TTLL5: variants seen among roughly 807,000 people sequenced by gnomAD.
The protein encoded by TTLL5 is tubulin tyrosine ligase like 5.
TTLL5 carries 132 observed loss-of-function variants against 168.4 expected under a neutral mutation model. That is an observed-to-expected ratio of 0.78 (90% CI 0.68 to 0.91). The LOEUF (loss-of-function observed/expected upper bound fraction) is 0.91, where lower values mean the gene tolerates loss of function less well. Among genes scored for constraint, TTLL5 ranks in the 40% least tolerant of loss-of-function variants. The pLI is 0.00. For synonymous variants in TTLL5, 546 were observed against 558.6 expected (o/e 0.98, Z 0.32); for missense variants, 1,545 against 1,581.5 (o/e 0.98, Z 0.39).
chr14:75,825,584 A>T (rs1474843099), intron 28 of TTLL5, among the ~76,000 whole-genome samples: 1 of 152,010 alleles, frequency 6.6e-6, no homozygotes, highest in Admixed American at 6.6e-5. Flanking sequence ...AGCAGTTTGG[A>T]GCTTATAATT....
intron 30 of TTLL5, among the ~76,000 whole-genome samples, chr14:75,895,416 T>C (rs1352946836): frequency 2.0e-5 from 3 of 152,170 alleles, no homozygotes; most frequent in Non-Finnish European, 2.9e-5. Context: ...ATTCAGCACA[T>C]ACTATGTCAC....
chr14:75,799,306 C>T (rs951362757), intron 27 of TTLL5, among the ~76,000 whole-genome samples: 1 of 152,072 alleles, frequency 6.6e-6, no homozygotes. Flanking sequence ...TGCTCACTTC[C>T]GTTATCCATT....
intron 5 of TTLL5, chr14:75,689,579 TAAAC>T (rs1184779355): frequency 6.6e-6 from 1 of 152,186 alleles, no homozygotes. Context: ...CTCCAAAAAT[TAAAC>T]AATCCAAATG....
chr14:75,937,180 G>A (rs1030412896), intron 31 of TTLL5, among the ~76,000 whole-genome samples: 1 of 150,920 alleles, frequency 6.6e-6, no homozygotes, highest in Non-Finnish European at 1.5e-5. Context: ...GCAGTGGCAC[G>A]ATCTCAGCTC....
Position 75,863,662 on chromosome 14 carries a change from T to C in TTLL5, c.3327-5T>C. On this transcript the variant is annotated splice_polypyrimidine_tract_variant and splice_region_variant and intron_variant, in intron 28 of 31. Transcript: ENST00000298832. ...TCTAAGAAACCTGCTTGCTTTTCTC[T>C]TCAGGAGCCTGCAGACAGGGGGATT... 6.2e-7 allele frequency: 1 copy of C among 1,604,360 alleles called. No individual in the cohort carries two copies. The highest frequency in any genetic ancestry group is 8.5e-7 in the Non-Finnish European group (1 of 1,175,332).
At chr14:75,816,840 A>G (rs375648654) in intron 27 of TTLL5, among the ~76,000 whole-genome samples, 53 of 152,252 alleles carry the variant, frequency 3.5e-4, no homozygotes, top group Non-Finnish European at 5.7e-4. Context: ...TCAGGAGTAC[A>G]GGGAGTCTGG....
At chr14:75,839,785 T>G (rs957198265) in intron 28 of TTLL5, among the ~76,000 whole-genome samples, 49 of 151,984 alleles carry the variant, frequency 3.2e-4, no homozygotes, top group African/African-American at 1.1e-3. Flanking sequence ...GTGATCTCAC[T>G]GTAGTTTTGA....
At chr14:75,700,993 T>C (rs1056689189) in intron 7 of TTLL5, among the ~76,000 whole-genome samples, 1 of 151,904 alleles carries the variant, frequency 6.6e-6, no homozygotes, top group Non-Finnish European at 1.5e-5. Flanking sequence ...TCTCCGCTTT[T>C]AGAACTCTTT....
intron 13 of TTLL5, among the ~76,000 whole-genome samples, chr14:75,733,026 G>T (rs1888642530): frequency 6.6e-6 from 1 of 152,214 alleles, no homozygotes; most frequent in Admixed American, 6.5e-5. Flanking sequence ...TCTCTAAACT[G>T]AGAACTCTAG....
chr14:75,826,869 A>G (rs1172738226), intron 28 of TTLL5, among the ~76,000 whole-genome samples: 2 of 152,162 alleles, frequency 1.3e-5, no homozygotes, highest in East Asian at 1.9e-4. Context: ...CTTACCTAGT[A>G]TTGACTCAAC....
intron 15 of TTLL5, among the ~76,000 whole-genome samples, chr14:75,742,094 C>G (rs1889310000): frequency 6.6e-6 from 1 of 152,176 alleles, no homozygotes; most frequent in South Asian, 2.1e-4. Flanking sequence ...ATTCCTTAAT[C>G]TGTTTAATAG....
At chr14:75,735,336 G>T in intron 15 of TTLL5, 47 bp downstream of exon 15, 2 of 1,586,082 alleles carry the variant, frequency 1.3e-6, no homozygotes, top group Non-Finnish European at 1.7e-6. Flanking sequence ...TTACTGGGAA[G>T]TGGCGGCTGA....
In TTLL5 at chr14:75,820,020, A is replaced by G; in HGVS notation, c.3185A>G (p.Asn1062Ser). ...CTTTATTTCTAGGTAACAAACCTGA[A>G]TTTGGCAACTGGCATCATAAACAGA... ...NLLTQQVTNL[N>S]LATGIINRSS... Residue 1062 changes from asparagine (N) to serine (S), a missense_variant, in exon 28 of 32, where the codon AAT (asparagine) becomes AGT (serine). Transcript: ENST00000298832. The G allele has an allele frequency of 6.2e-7, 1 of 1,601,088 alleles. No individual in the cohort carries two copies. The highest frequency in any genetic ancestry group is 8.5e-7 in the Non-Finnish European group (1 of 1,174,880).
intron 30 of TTLL5, chr14:75,886,623 T>A: frequency 6.6e-7 from 1 of 1,520,224 alleles, no homozygotes; most frequent in Non-Finnish European, 8.9e-7. Context: ...TTTAAAATTT[T>A]TTTTTTTACC....
chr14:75,721,577 T>A (rs1887839643), intron 12 of TTLL5, among the ~76,000 whole-genome samples: 1 of 152,164 alleles, frequency 6.6e-6, no homozygotes, highest in African/African-American at 2.4e-5. Flanking sequence ...CCTAACAGCC[T>A]TAGTTTGTAA....
chr14:75,863,804 T>C lies in TTLL5; in HGVS notation c.3464T>C (p.Leu1155Pro). 1 of 1,582,260 alleles carries C rather than the reference T, an allele frequency of 6.3e-7. No homozygotes were observed. The highest frequency in any genetic ancestry group is 1.7e-5 in the Admixed American group (1 of 57,676). ...SYQLQFALQQ[L>P]EQQKLQSRQL... ...CAGCTTCAATTTGCCCTGCAGCAAC[T>C]TGAACAACAAAAACTTCAGTCCCGG... Residue 1155 changes from leucine to proline, a missense_variant, in exon 29 of 32, where the codon CTT (leucine) becomes CCT (proline). Leu to Pro is a moderately conservative substitution (Grantham distance 98, BLOSUM62 -3). Coordinates refer to ENST00000298832, the MANE Select transcript of TTLL5 (RefSeq NM_015072.5).
chr14:75,837,494 G>A (rs1444048046), intron 28 of TTLL5: 1 of 152,106 alleles, frequency 6.6e-6, no homozygotes, highest in Admixed American at 6.6e-5. Flanking sequence ...CAGTTCAATA[G>A]CATTAAGTAC....
intron 18 of TTLL5, among the ~76,000 whole-genome samples, chr14:75,753,934 T>G (rs1177520792): frequency 6.6e-6 from 1 of 152,214 alleles, no homozygotes; most frequent in Non-Finnish European, 1.5e-5. Flanking sequence ...CTTTCAGTCT[T>G]TCAGCTGTGG....
intron 19 of TTLL5, 37 bp from the exon 20 acceptor site, chr14:75,766,025 C>T: frequency 1.9e-6 from 3 of 1,561,632 alleles, no homozygotes; most frequent in Non-Finnish European, 1.7e-6. Flanking sequence ...AACATTTAAT[C>T]CTTTTTTCAG....
Sources: gnomAD v4.1 joint callset for allele counts (sites outside exome capture counted in the v4.1 genomes callset) on GRCh38, gnomAD v4.1.1 for gene constraint, MANE v1.5 for transcripts, NCBI Gene and HGNC (gene_info 2026-07-23, HGNC 2026-07-21) for gene names.